SNX6: variants seen among roughly 807,000 people sequenced by gnomAD.
SNX6 encodes sorting nexin-6.
SNX6 carries 34 observed loss-of-function variants against 63.0 expected under a neutral mutation model. The observed-to-expected ratio is 0.54, with a 90% CI of 0.41 to 0.72. SNX6 has a LOEUF of 0.72. Ranked by LOEUF, SNX6 falls within the 30% of genes least tolerant of loss-of-function variation. SNX6 has a pLI of 0.00. For missense variants in SNX6, 398 were observed against 471.4 expected (o/e 0.84, Z 1.44); for synonymous variants, 170 against 164.2 (o/e 1.04, Z -0.27).
chr14:34,595,136 A>G (rs1882548861), intron 7 of SNX6, among the ~76,000 whole-genome samples: 1 of 151,874 alleles, frequency 6.6e-6, no homozygotes, highest in South Asian at 2.1e-4. Flanking sequence ...AATAAAATTC[A>G]TAATTCATAA....
At chr14:34,619,562 T>C (rs1341906218) in intron 2 of SNX6, among the ~76,000 whole-genome samples, 1 of 125,366 alleles carries the variant, frequency 8.0e-6, no homozygotes, top group Non-Finnish European at 1.8e-5. Flanking sequence ...TCCCAGGTAT[T>C]GTGAAAGATT....
At chr14:34,607,536 G>A (rs1883069243) in intron 4 of SNX6, among the ~76,000 whole-genome samples, 1 of 152,152 alleles carries the variant, frequency 6.6e-6, no homozygotes, top group South Asian at 2.1e-4. Context: ...CCTGAATCCA[G>A]GAGGCAGAGG....
intron 7 of SNX6, among the ~76,000 whole-genome samples, chr14:34,595,746 T>A (rs1462632224): frequency 3.9e-4 from 53 of 136,678 alleles, no homozygotes; most frequent in Admixed American, 3.7e-3. Flanking sequence ...AATCAAATAG[T>A]ACTCTACACA....
intron 4 of SNX6, among the ~76,000 whole-genome samples, chr14:34,607,650 G>A (rs1198252865): frequency 2.0e-5 from 3 of 151,904 alleles, no homozygotes; most frequent in East Asian, 1.9e-4. Flanking sequence ...GCTCACGCCT[G>A]TAATCTCAGC....
In SNX6 at chr14:34,604,032, A is replaced by G. The variant is rs1271899535; in HGVS notation, c.393-561T>C. The stretch of plus-strand genomic sequence containing the variant: ...CCAGCAGTGAATCCCAGAGACCACA[A>G]AGTAATACATGTCAGTTTGGGGGAA... On this transcript the variant is annotated intron_variant, in intron 5 of 13. Coordinates refer to ENST00000362031, the MANE Select transcript of SNX6 (RefSeq NM_152233.4). 8.8e-6 allele frequency: 8 copies of G among 909,326 alleles called. No homozygotes were observed. In the African/African-American group the frequency reaches 1.1e-4, roughly 12 times the overall value. The allele number at this position is 909,326 out of a possible 1,614,324, so 56.3% of individuals were successfully genotyped here. A position where few individuals can be genotyped will look rare whatever the true frequency, so the allele number is the denominator to read the frequency against.
At chr14:34,583,470 G>A (rs1416592417) in intron 9 of SNX6, among the ~76,000 whole-genome samples, 2 of 128,698 alleles carry the variant, frequency 1.6e-5, no homozygotes, top group African/African-American at 2.9e-5. Context: ...CTATCATTCT[G>A]TCACCCCGTT....
intron 10 of SNX6, among the ~76,000 whole-genome samples, chr14:34,580,314 T>C (rs1881884871): frequency 6.6e-6 from 1 of 152,206 alleles, no homozygotes; most frequent in African/African-American, 2.4e-5. Flanking sequence ...ATTCATTTTC[T>C]TTCTTTCTTT....
At chr14:34,604,259 T>A in intron 5 of SNX6, 1 of 1,282,116 alleles carries the variant, frequency 7.8e-7, no homozygotes, top group Non-Finnish European at 1.0e-6. Context: ...GGTTCTCTGT[T>A]ATCCAACCCC....
Position 34,563,090 on chromosome 14 carries a change from C to T in SNX6, c.*32G>A, listed in dbSNP as rs574684248. 9.3e-6 allele frequency: 15 copies of T among 1,605,592 alleles called. No individual in the cohort carries two copies. The African/African-American group carries it at 1.6e-4, about 17-fold the overall frequency. On this transcript the variant is annotated 3_prime_UTR_variant, in exon 14 of 14. Transcript: ENST00000362031. ...AACAAAAATAAAATTTGAAGGAAGG[C>T]AGCCCTTTTTAACAGGAAGGCGGAG...
At chr14:34,586,664 C>T (rs149912454) in intron 8 of SNX6, among the ~76,000 whole-genome samples, 75 of 151,728 alleles carry the variant, frequency 4.9e-4, no homozygotes, top group African/African-American at 1.8e-3. Context: ...GCCAAGATCA[C>T]GCCACCGCAC....
intron 6 of SNX6, 145 bp downstream of exon 6, chr14:34,603,203 G>A (rs539224450): frequency 2.7e-5 from 17 of 631,766 alleles, no homozygotes; most frequent in South Asian, 7.2e-5. Flanking sequence ...GCATGAACCC[G>A]GGAGGCGGAG....
chr14:34,629,658 T>A, intron 2 of SNX6: 1 of 689,720 alleles, frequency 1.4e-6, no homozygotes, highest in Admixed American at 2.1e-5. Flanking sequence ...GGAGTGGAGG[T>A]CCACCAGAAG....
At chr14:34,586,336 C>A (rs780221867) in intron 8 of SNX6, 31 bp from the exon 9 acceptor site, 19 of 1,385,932 alleles carry the variant, frequency 1.4e-5, no homozygotes, top group South Asian at 1.2e-5. Context: ...ATTTAGTATA[C>A]CTATTCATAG....
At chr14:34,592,845 G>A (rs555730046) in intron 8 of SNX6, among the ~76,000 whole-genome samples, 200 bp downstream of exon 8, 2 of 152,288 alleles carry the variant, frequency 1.3e-5, no homozygotes, top group South Asian at 2.1e-4. Flanking sequence ...CAAAAGTGTC[G>A]TGATCACAGG....
chr14:34,606,082 G>A (rs1460794747), intron 4 of SNX6, among the ~76,000 whole-genome samples: 1 of 151,752 alleles, frequency 6.6e-6, no homozygotes, highest in African/African-American at 2.4e-5. Flanking sequence ...GCTGAGGCAT[G>A]AGAATCGCTT....
chr14:34,622,515 G>A (rs916385409), intron 2 of SNX6, among the ~76,000 whole-genome samples: 6 of 150,318 alleles, frequency 4.0e-5, no homozygotes, highest in Non-Finnish European at 4.4e-5. Flanking sequence ...TCCGGGAGGC[G>A]GAGCTTGCAG....
At chr14:34,589,514 A>C (rs997511237) in intron 8 of SNX6, among the ~76,000 whole-genome samples, 3 of 151,908 alleles carry the variant, frequency 2.0e-5, no homozygotes, top group Admixed American at 6.6e-5. Context: ...AAGAAGGGTC[A>C]AAAACAACTG....
intron 8 of SNX6, among the ~76,000 whole-genome samples, chr14:34,591,242 C>G (rs982073339): frequency 3.4e-5 from 5 of 145,384 alleles, no homozygotes; most frequent in Admixed American, 7.1e-5. Context: ...AAAAAAAAAC[C>G]CTCACTGGTC....
At chr14:34,616,645 T>C (rs1002384555) in intron 2 of SNX6, among the ~76,000 whole-genome samples, 1 of 152,144 alleles carries the variant, frequency 6.6e-6, no homozygotes, top group African/African-American at 2.4e-5. Context: ...GTATTACAGG[T>C]GTGAGATTTA....
Sources: allele counts gnomAD v4.1 joint callset (sites outside exome capture counted in the v4.1 genomes callset), GRCh38; gene constraint gnomAD v4.1.1; transcripts MANE v1.5; gene names NCBI Gene and HGNC (gene_info 2026-07-23, HGNC 2026-07-21).